The following ADAM17 variants were observed in gnomAD, a reference collection of about 807,000 sequenced individuals.
The protein encoded by ADAM17 is disintegrin and metalloproteinase domain-containing protein 17.
Under a neutral mutation model 96.7 loss-of-function variants are expected in ADAM17, and 39 were observed. That is an observed-to-expected ratio of 0.40 (90% CI 0.31 to 0.53). The LOEUF is 0.53. Ranked by LOEUF, ADAM17 falls within the 20% of genes least tolerant of loss-of-function variation. The pLI is 0.44. For missense variants in ADAM17, 777 were observed against 1,013.2 expected (o/e 0.77, Z 3.17); for synonymous variants, 344 against 359.2 (o/e 0.96, Z 0.48).
rs34525911 is a variant in ADAM17 at position 9,489,259 on chromosome 2, A to ATTTTTTTTTTTTTTTT, written c.*902_*917dup. The ATTTTTTTTTTTTTTTT allele has an allele frequency of 1.8e-3, 157 of 87,396 alleles. 18 individuals are homozygous for ATTTTTTTTTTTTTTTT. Among genetic ancestry groups the ATTTTTTTTTTTTTTTT allele is most frequent in the African/African-American group, 9.6e-3 (149 of 15,528 alleles). The allele number at this position is 87,396 out of a possible 1,614,324, so 5.4% of individuals were successfully genotyped here. A position where few individuals can be genotyped will look rare whatever the true frequency, so the allele number is the denominator to read the frequency against. ...AATATTCTAGGTTTGTAGATAGTGA[A>ATTTTTTTTTTTTTTTT]TTTTTTTTTTTTTTTTTTTTTTTTG... On this transcript the variant is annotated 3_prime_UTR_variant, in exon 19 of 19. Transcript: ENST00000310823.
intron 2 of ADAM17, among the ~76,000 whole-genome samples, chr2:9,540,472 C>G (rs1290852567): frequency 1.3e-5 from 2 of 151,970 alleles, no homozygotes; most frequent in Admixed American, 1.3e-4. Flanking sequence ...AAATAAGTAC[C>G]TGATTAACTG....
chr2:9,489,415 T>C lies in ADAM17; in HGVS notation c.*762A>G, dbSNP rs1661899223. Reference sequence around the variant, plus strand: ...AATTTTCTAAGAGCATGTATCCCTATCAGTAACAGGGATACATGAAGATAC... The same window carrying C: ...AATTTTCTAAGAGCATGTATCCCTACCAGTAACAGGGATACATGAAGATAC... On this transcript the variant is annotated 3_prime_UTR_variant, in exon 19 of 19. Transcript: ENST00000310823. The C allele has an allele frequency of 6.7e-6, 1 of 149,246 alleles. No homozygotes were observed. Among genetic ancestry groups the C allele is most frequent in the African/African-American group, 2.5e-5 (1 of 39,850 alleles). 9.2% of individuals were successfully genotyped at this position (149,246 alleles called of 1,614,324 possible).
intron 12 of ADAM17, among the ~76,000 whole-genome samples, chr2:9,503,363 C>A (rs1028486325): frequency 6.6e-5 from 10 of 152,130 alleles, no homozygotes; most frequent in African/African-American, 1.4e-4. Flanking sequence ...AAATGAAAAC[C>A]TGGGTAACTT....
chr2:9,490,342 TGA>T lies in ADAM17; in HGVS notation c.2308_2309del (p.Ser770ThrfsTer8), dbSNP rs746900439. On this transcript the variant is annotated frameshift_variant, in exon 19 of 19. Coordinates refer to ENST00000310823, the MANE Select transcript of ADAM17 (RefSeq NM_003183.6). LOFTEE classifies it high-confidence loss of function. ...DTIQEDPSTD[S>X]HMDEDGFEKD... ...TCTCAAACCCATCCTCGTCCATATG[TGA>T]GTCTGTGCTGGGGTCTTCCTGGATG... 9 of 1,614,134 alleles carry T rather than the reference TGA, an allele frequency of 5.6e-6. No homozygotes were observed. Among genetic ancestry groups the T allele is most frequent in the Non-Finnish European group, 5.9e-6 (7 of 1,180,032 alleles).
chr2:9,551,277 C>A (rs948781199), intron 1 of ADAM17, among the ~76,000 whole-genome samples: 1 of 151,834 alleles, frequency 6.6e-6, no homozygotes, highest in South Asian at 2.1e-4. Flanking sequence ...GAGAGATGCC[C>A]ATTTCCTTGG....
chr2:9,528,654 TC>T (rs1664623227), intron 4 of ADAM17, among the ~76,000 whole-genome samples: 1 of 152,328 alleles, frequency 6.6e-6, no homozygotes, highest in Non-Finnish European at 1.5e-5. Flanking sequence ...AACACTGGTC[TC>T]ATCAGAACCA....
In ADAM17 at chr2:9,540,874, A is replaced by T. The variant is rs186921489; in HGVS notation, c.230+2279T>A. 4.8e-3 allele frequency among the ~76,000 whole-genome samples: 726 copies of T among 152,370 alleles called. 4 individuals are homozygous for T. Among genetic ancestry groups the T allele is most frequent in the Non-Finnish European group, 8.7e-3 (590 of 68,036 alleles). On this transcript the variant is annotated intron_variant, in intron 2 of 18. Coordinates refer to ENST00000310823, the MANE Select transcript of ADAM17 (RefSeq NM_003183.6). ...CATGCCCTTTAGAGGGGTGACAGTT[A>T]AAGGCTGATAAACCTACTATTGGCA... is the stretch of plus-strand genomic sequence containing the variant.
chr2:9,526,761 A>G (rs1425723845), intron 5 of ADAM17, among the ~76,000 whole-genome samples: 2 of 152,062 alleles, frequency 1.3e-5, no homozygotes, highest in Non-Finnish European at 2.9e-5. Flanking sequence ...GTGCCATTGC[A>G]CTCAAGCCAG....
intron 6 of ADAM17, among the ~76,000 whole-genome samples, chr2:9,525,198 C>T (rs1484237162): frequency 6.6e-6 from 1 of 150,584 alleles, no homozygotes; most frequent in Non-Finnish European, 1.5e-5. Context: ...ACTTGTGATG[C>T]TGAGGCAGGA....
chr2:9,536,744 G>C lies in ADAM17; in HGVS notation c.315C>G (p.Ser105Arg). The change falls in exon 3 of 19, where the codon AGC (serine) becomes AGG (arginine). Residue 105 changes from serine to arginine, a missense_variant. Ser to Arg is a moderately radical substitution (Grantham distance 110, BLOSUM62 -1). Around this residue, in one of 3 missense-constraint regions of ADAM17, gnomAD observed 134 missense variants for 129.1 expected, o/e 1.04. Transcript: ENST00000310823. Reference sequence around the variant, plus strand: ...AGTCCTGCCATTTTACAGTGTACTCGCTTTCGTTTTTACCATCCACCACCA... The same window carrying C: ...AGTCCTGCCATTTTACAGTGTACTCCCTTTCGTTTTTACCATCCACCACCA... ...KVVVVDGKNE[S>R]EYTVKWQDFF... is the part of the protein sequence containing the mutation. 1 of 1,614,022 alleles carries C rather than the reference G, an allele frequency of 6.2e-7. No individual in the cohort carries two copies. Among genetic ancestry groups the C allele is most frequent in the Non-Finnish European group, 8.5e-7 (1 of 1,179,970 alleles).
At chr2:9,503,345 T>A (rs1210845426) in intron 12 of ADAM17, among the ~76,000 whole-genome samples, 1 of 152,178 alleles carries the variant, frequency 6.6e-6, no homozygotes, top group Non-Finnish European at 1.5e-5. Flanking sequence ...TCTATCAGTG[T>A]ATATAAAAAA....
rs34863481 is a variant in ADAM17, at chr2:9,518,259, C to CAAA, written c.958-15_958-13dup. ...TCAAAGCTAAATTGCTTTGAAAGAC[C>CAAA]AAAAAAAAAAAAAAAAAAAAAAGCA... On this transcript the variant is annotated splice_polypyrimidine_tract_variant and intron_variant, in intron 8 of 18. Transcript: ENST00000310823. 2.1e-3 allele frequency: 1,669 copies of CAAA among 813,046 alleles called. 2 individuals carry two copies. Among genetic ancestry groups the CAAA allele is most frequent in the South Asian group, 4.0e-3 (89 of 22,342 alleles). 50.4% of individuals were successfully genotyped at this position (813,046 alleles called of 1,614,324 possible). A position where few individuals can be genotyped will look rare whatever the true frequency, so the allele number is the denominator to read the frequency against.
intron 18 of ADAM17, 132 bp downstream of exon 18, chr2:9,490,969 A>C: frequency 2.6e-6 from 2 of 776,332 alleles, no homozygotes; most frequent in Admixed American, 5.1e-5. Flanking sequence ...AAACATTCCA[A>C]CCTAGACCCT....
intron 1 of ADAM17, among the ~76,000 whole-genome samples, chr2:9,551,784 T>C (rs1411341649): frequency 6.6e-6 from 1 of 152,120 alleles, no homozygotes; most frequent in Non-Finnish European, 1.5e-5. Flanking sequence ...AGTAACTTTT[T>C]TTGCATGAAA....
chr2:9,490,661 A>C, intron 18 of ADAM17, 143 bp from the exon 19 acceptor site: 1 of 835,530 alleles, frequency 1.2e-6, no homozygotes, highest in Non-Finnish European at 1.8e-6. Flanking sequence ...GGCTCACTCA[A>C]CCTAAGTGAC....
At chr2:9,529,897 GGA>G (rs1380805386) in intron 4 of ADAM17, among the ~76,000 whole-genome samples, 1 of 151,792 alleles carries the variant, frequency 6.6e-6, no homozygotes, top group Admixed American at 6.6e-5. Flanking sequence ...CTTGAACCCA[GGA>G]GGCAGAGGTT....
chr2:9,535,737 G>T, intron 4 of ADAM17, 97 bp downstream of exon 4: 1 of 695,062 alleles, frequency 1.4e-6, no homozygotes, highest in Non-Finnish European at 2.3e-6. Context: ...GAAGAGGAAA[G>T]AAATAAGTAT....
chr2:9,510,355 C>G (rs1034177694), intron 10 of ADAM17, among the ~76,000 whole-genome samples: 1 of 151,974 alleles, frequency 6.6e-6, no homozygotes, highest in Non-Finnish European at 1.5e-5. Context: ...CCTATCTCTA[C>G]AAAAATAATA....
intron 17 of ADAM17, among the ~76,000 whole-genome samples, chr2:9,491,422 T>G (rs1027114895): frequency 6.6e-6 from 1 of 152,194 alleles, no homozygotes; most frequent in Non-Finnish European, 1.5e-5. Flanking sequence ...TCTGAGAAAT[T>G]TATCCCTCTG....
Sources: allele counts gnomAD v4.1 joint callset (sites outside exome capture counted in the v4.1 genomes callset), GRCh38; gene constraint gnomAD v4.1.1; regional missense constraint gnomAD v4.1.1; transcripts MANE v1.5; gene names NCBI Gene and HGNC (gene_info 2026-07-23, HGNC 2026-07-21).